The following SH3KBP1 variants were observed in gnomAD, a reference collection of about 807,000 sequenced individuals.
SH3KBP1 encodes the protein SH3 domain-containing kinase-binding protein 1.
In SH3KBP1, 8 loss-of-function variants were observed where a neutral mutation model predicts 50.1. That is an observed-to-expected ratio of 0.16 (90% CI 0.09 to 0.29). The LOEUF (loss-of-function observed/expected upper bound fraction) is 0.29, where lower values mean the gene tolerates loss of function less well. Among genes scored for constraint, SH3KBP1 ranks in the 10% least tolerant of loss-of-function variants. The probability of loss-of-function intolerance (pLI) is 1.00; values close to 1 mark genes in which losing one functional copy is unlikely to be tolerated. For synonymous variants in SH3KBP1, 227 were observed against 218.6 expected, an observed-to-expected ratio of 1.04 and a Z score of -0.34; for missense variants, 377 against 535.2, an observed-to-expected ratio of 0.70 and a Z score of 2.92.
chrX:19,569,733 T>C (rs1420373282), intron 12 of SH3KBP1, among the ~76,000 whole-genome samples: 1 of 111,645 alleles, frequency 9.0e-6, no homozygotes, highest in African/African-American at 3.3e-5. Flanking sequence ...ATTAGACGGC[T>C]CCTGGATGGG....
chrX:19,692,826 G>T (rs1272517329), intron 5 of SH3KBP1, among the ~76,000 whole-genome samples: 2 of 107,765 alleles, frequency 1.9e-5, no homozygotes, highest in African/African-American at 3.4e-5. Context: ...GGGATTACAG[G>T]TATGTGCCAG....
intron 2 of SH3KBP1, among the ~76,000 whole-genome samples, chrX:19,780,499 A>G (rs1445046193): frequency 1.2e-4 from 12 of 103,542 alleles, no homozygotes; most frequent in East Asian, 3.0e-4. Context: ...TTGGTGTTTT[A>G]GACATGAAGT....
intron 1 of SH3KBP1, among the ~76,000 whole-genome samples, chrX:19,882,080 A>C (rs980822353): frequency 9.0e-6 from 1 of 111,478 alleles, no homozygotes; most frequent in African/African-American, 3.3e-5. Context: ...GGTGAATGCA[A>C]GATGTAACTT....
chrX:19,852,343 C>T lies in SH3KBP1; in HGVS notation c.5-16061G>A, dbSNP rs191463736. ...GAGCTGAAACAAGCCCTCCCTACCA[C>T]GCCCTGTACAAATGCTTGACCCACA... On this transcript the variant is annotated intron_variant, in intron 1 of 17. Coordinates refer to ENST00000397821, the MANE Select transcript of SH3KBP1 (RefSeq NM_031892.3). 8.1e-5 allele frequency among the ~76,000 whole-genome samples: 9 copies of T among 111,392 alleles called. No homozygotes were observed. In the East Asian group the frequency reaches 2.5e-3, roughly 31 times the overall value.
At chrX:19,729,772 G>C (rs2064319236) in intron 3 of SH3KBP1, among the ~76,000 whole-genome samples, 1 of 111,704 alleles carries the variant, frequency 9.0e-6, no homozygotes, top group Admixed American at 9.5e-5. Context: ...AGGAAAGAAG[G>C]AAGAAGGGAG....
At chrX:19,589,485 T>C (rs780613263) in intron 11 of SH3KBP1, among the ~76,000 whole-genome samples, 28 of 111,947 alleles carry the variant, frequency 2.5e-4, no homozygotes, top group Admixed American at 7.5e-4. Flanking sequence ...AAGTTTGAAC[T>C]TGGAAGGCAA....
At chrX:19,811,619 T>A in intron 2 of SH3KBP1, among the ~76,000 whole-genome samples, 1 of 112,332 alleles carries the variant, frequency 8.9e-6, no homozygotes, top group Middle Eastern at 4.6e-3. Flanking sequence ...AATAAATATT[T>A]TAAACATGGT....
At chrX:19,866,500 C>T (rs2068912125) in intron 1 of SH3KBP1, among the ~76,000 whole-genome samples, 1 of 109,787 alleles carries the variant, frequency 9.1e-6, no homozygotes, top group Non-Finnish European at 1.9e-5. Flanking sequence ...CCAGCCTGGG[C>T]AACATAACGA....
At position 19,534,607 on chromosome X, in the gene SH3KBP1, C is replaced by G. The variant is rs2064664638; in HGVS notation, c.*1810G>C. On this transcript the variant is annotated 3_prime_UTR_variant, in exon 18 of 18. Coordinates refer to ENST00000397821, the MANE Select transcript of SH3KBP1 (RefSeq NM_031892.3). ...TCAAGGGGTACAGGGATGTTTTACGCTGCTCTTGGGAACCTGGCACTCCTG... is the reference window on the plus strand; with the variant it reads ...TCAAGGGGTACAGGGATGTTTTACGGTGCTCTTGGGAACCTGGCACTCCTG... 1 of 271,983 alleles carries G rather than the reference C, an allele frequency of 3.7e-6. No homozygotes were observed. Among genetic ancestry groups the G allele is most frequent in the Non-Finnish European group, 6.5e-6 (1 of 154,250 alleles). 22.4% of individuals were successfully genotyped at this position (271,983 alleles called of 1,213,427 possible).
At chrX:19,782,594 G>A (rs1010900648) in intron 2 of SH3KBP1, among the ~76,000 whole-genome samples, 3 of 111,326 alleles carry the variant, frequency 2.7e-5, no homozygotes, top group Non-Finnish European at 5.7e-5. Context: ...GACACGTTTC[G>A]CAAGATGGGA....
chrX:19,670,907 G>T lies in SH3KBP1; in HGVS notation c.726+12916C>A, dbSNP rs1284363493. 3 of 1,157,851 alleles carry T rather than the reference G, an allele frequency of 2.6e-6. No individual in the cohort carries two copies. In the Admixed American group the frequency reaches 7.7e-5, roughly 30 times the overall value. Reference sequence around the variant, plus strand: ...CAGCCTCCTCTCTTCAGTTTGAAAAGGTCCCAGAACTCCCCTGGAATCCTC... The same window carrying T: ...CAGCCTCCTCTCTTCAGTTTGAAAATGTCCCAGAACTCCCCTGGAATCCTC... On this transcript the variant is annotated intron_variant, in intron 6 of 17. Coordinates refer to ENST00000397821, the MANE Select transcript of SH3KBP1 (RefSeq NM_031892.3).
intron 3 of SH3KBP1, among the ~76,000 whole-genome samples, chrX:19,743,315 G>C (rs986411024): frequency 9.1e-6 from 1 of 110,475 alleles, no homozygotes; most frequent in African/African-American, 3.3e-5. Flanking sequence ...GGCTGAGGTG[G>C]GAGGATCACC....
intron 13 of SH3KBP1, among the ~76,000 whole-genome samples, chrX:19,559,595 C>A (rs757867306): frequency 3.6e-5 from 4 of 110,845 alleles, no homozygotes; most frequent in Non-Finnish European, 5.7e-5. Flanking sequence ...TCCCAAAATG[C>A]TGGGATTACA....
intron 2 of SH3KBP1, among the ~76,000 whole-genome samples, chrX:19,831,806 A>G (rs1320645750): frequency 2.8e-5 from 3 of 108,695 alleles, no homozygotes; most frequent in African/African-American, 1.0e-4. Flanking sequence ...AAAAAAAAAG[A>G]AAGACATTCC....
At position 19,546,009 on chromosome X, in the gene SH3KBP1, G is replaced by A. The variant is rs370412822; in HGVS notation, c.1536C>T (p.Pro512=). ...AAATGTGTTCCTCCTTATCCTCTTC[G>A]GGACTTGGGGAGTCGAAGATATCAG... The part of the protein sequence containing the change: ...SSPDIFDSPS[P]EEDKEEHISL... Residue 512 remains proline (P), a synonymous_variant, in exon 15 of 18, where the codon CCC becomes CCT. Coordinates refer to ENST00000397821, the MANE Select transcript of SH3KBP1 (RefSeq NM_031892.3). 6.6e-6 allele frequency: 8 copies of A among 1,208,069 alleles called. No homozygotes were observed. The highest frequency in any genetic ancestry group is 2.3e-4 in the Middle Eastern group (1 of 4,371).
chrX:19,626,090 G>A (rs918827950), intron 8 of SH3KBP1, among the ~76,000 whole-genome samples: 4 of 111,639 alleles, frequency 3.6e-5, no homozygotes, highest in African/African-American at 1.3e-4. Context: ...TGATGGTCCC[G>A]GGCTCTTGCT....
chrX:19,619,152 T>C lies in SH3KBP1; in HGVS notation c.898-11107A>G, dbSNP rs778308594. Among the ~76,000 whole-genome samples, 407 of 111,436 alleles carry C rather than the reference T, an allele frequency of 3.7e-3. 2 individuals carry two copies. Among genetic ancestry groups the C allele is most frequent in the Middle Eastern group, 0.014 (3 of 214 alleles). ...TTATCTGGATGTGGTAGCGGGCACC[T>C]GTAATCCCAGCTACTCGGGAGGCCG... On this transcript the variant is annotated intron_variant, in intron 8 of 17. Transcript: ENST00000397821.
chrX:19,641,875 T>C (rs932189472), intron 7 of SH3KBP1, among the ~76,000 whole-genome samples: 8 of 112,220 alleles, frequency 7.1e-5, no homozygotes, highest in Non-Finnish European at 1.5e-4. Context: ...GGTCTCACTC[T>C]GTCACCCAGA....
chrX:19,649,969 G>A (rs746614756), intron 6 of SH3KBP1, among the ~76,000 whole-genome samples: 2 of 112,022 alleles, frequency 1.8e-5, no homozygotes, highest in South Asian at 7.5e-4. Context: ...CAATTCACAT[G>A]CAAACTCCAA....
Sources: allele counts gnomAD v4.1 joint callset (sites outside exome capture counted in the v4.1 genomes callset), GRCh38; gene constraint gnomAD v4.1.1; transcripts MANE v1.5; gene names NCBI Gene and HGNC (gene_info 2026-07-23, HGNC 2026-07-21).